The following PRKCE variants were observed in gnomAD, a reference collection of about 807,000 sequenced individuals.
The protein encoded by PRKCE is protein kinase C epsilon.
Under a neutral mutation model 85.4 loss-of-function variants are expected in PRKCE, and 16 were observed. The ratio of observed to expected loss-of-function variants is 0.19; its 90% CI spans 0.13 to 0.28. The LOEUF is 0.28. Ranked by LOEUF, PRKCE falls within the 10% of genes least tolerant of loss-of-function variation. The probability of loss-of-function intolerance (pLI) is 1.00; values close to 1 mark genes in which losing one functional copy is unlikely to be tolerated. For missense variants in PRKCE, 573 were observed against 975.2 expected (o/e 0.59, Z 5.49); for synonymous variants, 388 against 371.5 (o/e 1.04, Z -0.51).
intron 1 of PRKCE, among the ~76,000 whole-genome samples, chr2:45,785,428 T>G (rs1015255083): frequency 2.6e-5 from 4 of 151,478 alleles, no homozygotes; most frequent in African/African-American, 4.9e-5. Context: ...GAGGCAGAGG[T>G]TGCAGTGAGC....
At chr2:45,877,239 C>G (rs13409853) in intron 2 of PRKCE, among the ~76,000 whole-genome samples, 1,968 of 152,264 alleles carry the variant, frequency 0.013, 40 homozygotes, top group African/African-American at 0.044. Context: ...GGTCCCCTCA[C>G]CCCATCTCTT....
At position 45,849,969 on chromosome 2, in the gene PRKCE, C is replaced by G. The variant is rs552916330; in HGVS notation, c.412+6906C>G. Among the ~76,000 whole-genome samples, 3 of 152,302 alleles carry G rather than the reference C, an allele frequency of 2.0e-5. No individual in the cohort carries two copies. The South Asian group carries it at 6.2e-4, about 32-fold the overall frequency. ...AAAACAGTGAGCACCAAGCCCCCAT[C>G]AAGGAGTTTATAATGTCACAAAGAG... On this transcript the variant is annotated intron_variant, in intron 2 of 14. Transcript: ENST00000306156.
intron 2 of PRKCE, among the ~76,000 whole-genome samples, chr2:45,865,142 A>G (rs1259906566): frequency 6.6e-6 from 1 of 152,200 alleles, no homozygotes; most frequent in Non-Finnish European, 1.5e-5. Flanking sequence ...GGTGCCTGAG[A>G]TTCTGCTTTT....
intron 1 of PRKCE, among the ~76,000 whole-genome samples, chr2:45,666,670 C>T (rs1012348249): frequency 6.6e-6 from 1 of 151,982 alleles, no homozygotes; most frequent in African/African-American, 2.4e-5. Context: ...ATTGCGGTAA[C>T]ATTTACTGTT....
intron 1 of PRKCE, among the ~76,000 whole-genome samples, chr2:45,763,889 G>T (rs1484511717): frequency 6.6e-6 from 1 of 152,182 alleles, no homozygotes; most frequent in African/African-American, 2.4e-5. Context: ...GTTTGTTTTG[G>T]TGGACTCTTT....
At chr2:46,030,035 G>C (rs1707407343) in intron 10 of PRKCE, among the ~76,000 whole-genome samples, 1 of 152,128 alleles carries the variant, frequency 6.6e-6, no homozygotes, top group African/African-American at 2.4e-5. Context: ...CCATTAGAAA[G>C]TTAAGCTATT....
chr2:46,155,413 G>A lies in PRKCE; in HGVS notation c.1920+4184G>A, dbSNP rs372606935. On this transcript the variant is annotated intron_variant, in intron 13 of 14. Transcript: ENST00000306156. The surrounding 1 kb of genome is among the most constrained non-coding windows in gnomAD (Gnocchi z 4.7). ...ATGGATTCTGGTCACCGCCTCTCTT[G>A]TTCCTCAGGCCTGGGCCCCGGGTCC... Among the ~76,000 whole-genome samples, 10 of 151,860 alleles carry A rather than the reference G, an allele frequency of 6.6e-5. No individual in the cohort carries two copies. The highest frequency in any genetic ancestry group is 2.0e-4 in the Admixed American group (3 of 15,262).
chr2:46,172,486 C>T (rs1379050447), intron 14 of PRKCE, among the ~76,000 whole-genome samples: 1 of 144,124 alleles, frequency 6.9e-6, no homozygotes, highest in East Asian at 1.9e-4. Flanking sequence ...CAGGCCTGGG[C>T]GGGCCTGGGC....
intron 1 of PRKCE, among the ~76,000 whole-genome samples, chr2:45,807,578 C>T (rs1688339179): frequency 6.6e-6 from 1 of 152,212 alleles, no homozygotes; most frequent in African/African-American, 2.4e-5. Flanking sequence ...CCAGACAAAT[C>T]ATGACTTCCA....
chr2:45,901,258 C>G (rs1349422263), intron 2 of PRKCE, among the ~76,000 whole-genome samples: 1 of 152,180 alleles, frequency 6.6e-6, no homozygotes, highest in Non-Finnish European at 1.5e-5. Flanking sequence ...TACTCCTAAT[C>G]GGTTGCTTGA....
intron 2 of PRKCE, among the ~76,000 whole-genome samples, chr2:45,862,452 A>T (rs533954070): frequency 5.9e-5 from 9 of 151,932 alleles, no homozygotes; most frequent in African/African-American, 2.2e-4. Flanking sequence ...AGATTGTTCC[A>T]TCTTTTTTCT....
chr2:45,936,696 T>C (rs1057017452), intron 2 of PRKCE, among the ~76,000 whole-genome samples: 4 of 152,230 alleles, frequency 2.6e-5, no homozygotes, highest in African/African-American at 9.6e-5. Flanking sequence ...TCTTTGATTT[T>C]TCTTGTTATT....
At chr2:45,859,157 T>A (rs1692941141) in intron 2 of PRKCE, among the ~76,000 whole-genome samples, 1 of 152,106 alleles carries the variant, frequency 6.6e-6, no homozygotes, top group Non-Finnish European at 1.5e-5. Context: ...GATGTGTGTG[T>A]GGCTGCAGTT....
chr2:46,057,261 C>T (rs1201996229), intron 10 of PRKCE, among the ~76,000 whole-genome samples: 1 of 152,158 alleles, frequency 6.6e-6, no homozygotes, highest in Non-Finnish European at 1.5e-5. Flanking sequence ...AAAATAATCC[C>T]ACCTGGTGTC....
At chr2:45,898,474 C>A (rs185433224) in intron 2 of PRKCE, among the ~76,000 whole-genome samples, 1 of 152,298 alleles carries the variant, frequency 6.6e-6, no homozygotes, top group African/African-American at 2.4e-5. Context: ...GAACAGAAAG[C>A]TACTCAGAGA....
intron 11 of PRKCE, among the ~76,000 whole-genome samples, chr2:46,136,230 G>A (rs956608329): frequency 6.6e-6 from 1 of 152,144 alleles, no homozygotes; most frequent in East Asian, 1.9e-4. Flanking sequence ...GAAAACGAGC[G>A]AAGAATAAAG....
In PRKCE at chr2:46,159,764, C is replaced by T; in HGVS notation, c.2067+12C>T. ...TCAAACCACGCATTGTAAGTTGGTC[C>T]CCGTGCACGTTCAGCACCATGGGTC... On this transcript the variant is annotated intron_variant, in intron 14 of 14. Transcript: ENST00000306156. The surrounding 1 kb of genome is among the most constrained non-coding windows in gnomAD (Gnocchi z 4.1). 6.3e-7 allele frequency: 1 copy of T among 1,599,056 alleles called. No individual in the cohort carries two copies. Among genetic ancestry groups the T allele is most frequent in the Non-Finnish European group, 8.5e-7 (1 of 1,179,722 alleles).
At chr2:46,165,182 A>G (rs565645000) in intron 14 of PRKCE, among the ~76,000 whole-genome samples, 41 of 152,270 alleles carry the variant, frequency 2.7e-4, no homozygotes, top group African/African-American at 9.1e-4. Context: ...TGCAGTTTTC[A>G]GTGGCCTCTG....
chr2:45,759,456 T>C (rs113857465), intron 1 of PRKCE, among the ~76,000 whole-genome samples: 4 of 152,344 alleles, frequency 2.6e-5, no homozygotes, highest in African/African-American at 9.6e-5. Flanking sequence ...ACGCTACTGC[T>C]GTGAGGCTTC....
Sources: gnomAD v4.1 joint callset for allele counts (sites outside exome capture counted in the v4.1 genomes callset) on GRCh38, gnomAD v4.1.1 for gene constraint, Gnocchi (gnomAD v3.1) non-coding constraint, MANE v1.5 for transcripts, NCBI Gene and HGNC (gene_info 2026-07-23, HGNC 2026-07-21) for gene names.